The following NTM variants were observed in gnomAD, a reference collection of about 807,000 sequenced individuals.
NTM encodes the protein neurotrimin.
NTM carries 13 observed loss-of-function variants against 42.1 expected under a neutral mutation model. The observed-to-expected ratio is 0.31, with a 90% CI of 0.20 to 0.49. The LOEUF (loss-of-function observed/expected upper bound fraction) is 0.49, where lower values mean the gene tolerates loss of function less well. NTM is among the 20% of genes least tolerant of loss of function. NTM has a pLI of 0.99. For synonymous variants in NTM, 187 were observed against 179.2 expected, an observed-to-expected ratio of 1.04 and a Z score of -0.35; for missense variants, 373 against 452.8, an observed-to-expected ratio of 0.82 and a Z score of 1.60.
At chr11:131,805,117 T>C (rs2092406958) in intron 1 of NTM, among the ~76,000 whole-genome samples, 1 of 152,220 alleles carries the variant, frequency 6.6e-6, no homozygotes, top group Non-Finnish European at 1.5e-5. Flanking sequence ...CACGTTATAA[T>C]ATATGCTCCT....
intron 1 of NTM, among the ~76,000 whole-genome samples, chr11:131,853,890 CCTTGCCAG>C (rs1182385861): frequency 6.6e-6 from 1 of 152,194 alleles, no homozygotes; most frequent in African/African-American, 2.4e-5. Flanking sequence ...TTCTCCACAA[CCTTGCCAG>C]CATCTGCTGT....
intron 2 of NTM, among the ~76,000 whole-genome samples, chr11:131,929,951 T>C (rs1174028199): frequency 1.3e-5 from 2 of 152,240 alleles, no homozygotes; most frequent in Non-Finnish European, 2.9e-5. Context: ...GCTTCTATTC[T>C]TATTTTCTTA....
At chr11:131,378,090 C>A (rs934558458) in intron 1 of NTM, among the ~76,000 whole-genome samples, 1 of 152,180 alleles carries the variant, frequency 6.6e-6, no homozygotes, top group African/African-American at 2.4e-5. Flanking sequence ...TATAAAAATA[C>A]CAATGTCTGG....
intron 3 of NTM, among the ~76,000 whole-genome samples, chr11:132,172,767 C>T (rs904083003): frequency 3.9e-5 from 6 of 152,086 alleles, no homozygotes; most frequent in Non-Finnish European, 5.9e-5. Context: ...TTTGATTTTC[C>T]CTTTTGATGC....
chr11:131,376,529 A>C (rs530498211), intron 1 of NTM, among the ~76,000 whole-genome samples: 2 of 152,218 alleles, frequency 1.3e-5, no homozygotes, highest in Non-Finnish European at 2.9e-5. Context: ...TGCAAACTGC[A>C]AAACAAACCA....
In NTM at chr11:132,336,275, G is replaced by A. The variant is rs2095871292; in HGVS notation, c.*1129G>A. 1 of 152,260 alleles carries A rather than the reference G, an allele frequency of 6.6e-6. No individual in the cohort carries two copies. Among genetic ancestry groups the A allele is most frequent in the South Asian group, 2.1e-4 (1 of 4,810 alleles). 9.4% of individuals were successfully genotyped at this position (152,260 alleles called of 1,614,324 possible). A position where few individuals can be genotyped will look rare whatever the true frequency, so the allele number is the denominator to read the frequency against. ...GCATGCTGTATATGGCGTTAGCTGT[G>A]TGTTGATCTTCTAAAAGATGATAGA... On this transcript the variant is annotated 3_prime_UTR_variant, in exon 9 of 9. Transcript: ENST00000683400.
At chr11:131,915,142 C>G (rs2056080398) in intron 2 of NTM, among the ~76,000 whole-genome samples, 1 of 152,148 alleles carries the variant, frequency 6.6e-6, no homozygotes, top group Non-Finnish European at 1.5e-5. Flanking sequence ...GACAATTATT[C>G]CCGGTTAAGG....
chr11:132,157,520 C>T (rs767173276), intron 3 of NTM, among the ~76,000 whole-genome samples: 3 of 152,132 alleles, frequency 2.0e-5, no homozygotes, highest in Non-Finnish European at 2.9e-5. Context: ...GAGGGAAAGA[C>T]ACCTCTGCCA....
At chr11:132,211,308 T>C (rs909669490) in intron 3 of NTM, among the ~76,000 whole-genome samples, 1 of 151,948 alleles carries the variant, frequency 6.6e-6, no homozygotes, top group South Asian at 2.1e-4. Context: ...TGGACTGAGG[T>C]GGGATTGTTT....
intron 2 of NTM, 74 bp downstream of exon 2, chr11:131,911,722 T>C (rs555286047): frequency 1.3e-5 from 20 of 1,576,470 alleles, no homozygotes; most frequent in African/African-American, 2.7e-5. Context: ...TGCAGGTGTG[T>C]GCACTGAGGC....
At chr11:131,383,367 T>A (rs1004764846) in intron 1 of NTM, among the ~76,000 whole-genome samples, 1 of 152,198 alleles carries the variant, frequency 6.6e-6, no homozygotes, top group African/African-American at 2.4e-5. Flanking sequence ...AGTGCTAGAA[T>A]AAAAGCAGGT....
intron 2 of NTM, among the ~76,000 whole-genome samples, chr11:131,980,368 A>G (rs559641394): frequency 6.6e-6 from 1 of 152,300 alleles, no homozygotes; most frequent in African/African-American, 2.4e-5. Flanking sequence ...TGATTATCCC[A>G]TTGGTCCTGC....
rs530829669 is a variant in NTM, at chr11:131,793,455, C to T, written c.83-118109C>T. ...GCCCAATACTTTACTGTGTTATGTT[C>T]TTTAACTTGAAGCAACTCTAGCAAA... is the stretch of plus-strand genomic sequence containing the variant. On this transcript the variant is annotated intron_variant, in intron 1 of 8. Transcript: ENST00000683400. Among the ~76,000 whole-genome samples, 7 of 152,318 alleles carry T rather than the reference C, an allele frequency of 4.6e-5. No homozygotes were observed. The South Asian group carries it at 1.2e-3, about 27-fold the overall frequency.
intron 2 of NTM, among the ~76,000 whole-genome samples, chr11:132,048,722 A>G (rs1352374363): frequency 6.6e-6 from 1 of 152,124 alleles, no homozygotes; most frequent in African/African-American, 2.4e-5. Context: ...CTCAAAACAG[A>G]CAGACACCCC....
intron 1 of NTM, among the ~76,000 whole-genome samples, chr11:131,871,400 T>C (rs948621057): frequency 6.6e-5 from 10 of 152,170 alleles, no homozygotes; most frequent in Non-Finnish European, 1.5e-4. Flanking sequence ...GGAATATAAA[T>C]CATGAGTAAA....
intron 4 of NTM, among the ~76,000 whole-genome samples, chr11:132,297,032 G>A (rs2094637913): frequency 6.6e-6 from 1 of 152,148 alleles, no homozygotes; most frequent in Admixed American, 6.5e-5. Context: ...TTCTCCTGAG[G>A]CCCAAACAAT....
Position 132,219,550 on chromosome 11 carries a change from G to A in NTM, c.526+7403G>A, listed in dbSNP as rs1023864767. ...ATTAAAGGTAATATAATATAATAAT[G>A]TATCTCTTTGCATCAGTTTGGACTG... On this transcript the variant is annotated intron_variant, in intron 4 of 8. Transcript: ENST00000683400. 2.6e-5 allele frequency among the ~76,000 whole-genome samples: 4 copies of A among 151,890 alleles called. No homozygotes were observed. The East Asian group carries it at 7.7e-4, about 29-fold the overall frequency.
intron 1 of NTM, among the ~76,000 whole-genome samples, chr11:131,836,365 C>A (rs1190576837): frequency 1.3e-5 from 2 of 152,108 alleles, no homozygotes; most frequent in African/African-American, 2.4e-5. Context: ...CCCTTTAAAT[C>A]TTCTTGGATC....
At position 131,878,500 on chromosome 11, in the gene NTM, G is replaced by A. The variant is rs1474240333; in HGVS notation, c.83-33064G>A. Among the ~76,000 whole-genome samples the A allele has an allele frequency of 2.1e-5, 3 of 143,892 alleles. No individual in the cohort carries two copies. In the Admixed American group the frequency reaches 2.1e-4, roughly 10 times the overall value. The allele number at this position is 143,892 out of a possible 152,430, so 94.4% of individuals were successfully genotyped here. A position where few individuals can be genotyped will look rare whatever the true frequency, so the allele number is the denominator to read the frequency against. ...CAGGAGAATTGCTTGAAACCAGGAG[G>A]CAGAGGTTGCAGTGACCCGAGATGG... On this transcript the variant is annotated intron_variant, in intron 1 of 8. Transcript: ENST00000683400.
Sources: gnomAD v4.1 joint callset for allele counts (sites outside exome capture counted in the v4.1 genomes callset) on GRCh38, gnomAD v4.1.1 for gene constraint, MANE v1.5 for transcripts, NCBI Gene and HGNC (gene_info 2026-07-23, HGNC 2026-07-21) for gene names.